Variants in LRRK1 observed in about 807,000 individuals in gnomAD.
The protein encoded by LRRK1 is leucine-rich repeat serine/threonine-protein kinase 1.
A neutral mutation model predicts 209.1 loss-of-function variants in LRRK1; 113 were observed. That is an observed-to-expected ratio of 0.54 (90% CI 0.46 to 0.63). The LOEUF (loss-of-function observed/expected upper bound fraction) is 0.63, where lower values mean the gene tolerates loss of function less well. Ranked by LOEUF, LRRK1 falls within the 30% of genes least tolerant of loss-of-function variation. The pLI, the probability that LRRK1 is intolerant of heterozygous loss-of-function variation, is 0.00. For missense variants in LRRK1, 2,284 were observed against 2,632.2 expected, an observed-to-expected ratio of 0.87 and a Z score of 2.89; for synonymous variants, 1,144 against 1,099.7, an observed-to-expected ratio of 1.04 and a Z score of -0.80.
Position 100,973,865 on chromosome 15 carries a change from C to T in LRRK1, c.159C>T (p.Arg53=). 1 of 1,290,072 alleles carries T rather than the reference C, an allele frequency of 7.8e-7. No individual in the cohort carries two copies. Among genetic ancestry groups the T allele is most frequent in the Non-Finnish European group, 9.9e-7 (1 of 1,014,418 alleles). 79.9% of individuals were successfully genotyped at this position (1,290,072 alleles called of 1,614,324 possible). The change falls in exon 3 of 34, where the codon CGC becomes CGT. Residue 53 remains arginine (R), a synonymous_variant. Transcript: ENST00000388948. The part of the protein sequence containing the change: ...TRGGDPAARS[R]RTEGIRAAYR... ...GCGGTGACCCTGCAGCGCGGTCCCG[C>T]AGGACGGAAGGCATCCGCGCCGCGT...
intron 1 of LRRK1, among the ~76,000 whole-genome samples, chr15:100,920,595 C>T (rs2141586599): frequency 6.6e-6 from 1 of 152,218 alleles, no homozygotes; most frequent in Non-Finnish European, 1.5e-5. Flanking sequence ...AAAAAACATT[C>T]AGTCTGTTGA....
At position 100,989,358 on chromosome 15, in the gene LRRK1, T is replaced by C. The variant is rs558815397; in HGVS notation, c.722T>C (p.Ile241Thr). 89 of 1,614,258 alleles carry C rather than the reference T, an allele frequency of 5.5e-5. No homozygotes were observed. Among genetic ancestry groups the C allele is most frequent in the Admixed American group, 2.3e-4 (14 of 60,036 alleles). The change falls in exon 6 of 34, where the codon ATT becomes ACT. Residue 241 changes from isoleucine (I) to threonine (T), a missense_variant. Transcript: ENST00000388948. ...PSKHLLRKYF[I>T]EASPLPSSYP... ...AAACATCTGCTGAGAAAGTACTTCATTGAAGCCAGTCCCTTGCCCAGCAGT... is the reference window on the plus strand; with the variant it reads ...AAACATCTGCTGAGAAAGTACTTCACTGAAGCCAGTCCCTTGCCCAGCAGT...
intron 6 of LRRK1, among the ~76,000 whole-genome samples, chr15:101,001,530 T>A (rs1014817461): frequency 5.9e-5 from 9 of 152,178 alleles, no homozygotes; most frequent in African/African-American, 2.2e-4. Flanking sequence ...TATTGTTACT[T>A]CTGCGTATCA....
chr15:101,054,801 G>A, intron 26 of LRRK1, 145 bp from the exon 27 acceptor site: 2 of 707,472 alleles, frequency 2.8e-6, no homozygotes, highest in South Asian at 4.0e-5. Context: ...GATAGAGGGA[G>A]ACTCTGTCTC....
Position 101,048,505 on chromosome 15 carries a change from CAAG to C in LRRK1, c.3153_3155del (p.Lys1051del), listed in dbSNP as rs774825934. The C allele has an allele frequency of 5.9e-5, 94 of 1,599,594 alleles. No individual in the cohort carries two copies. The African/African-American group carries it at 6.5e-4, about 11-fold the overall frequency. ...TCTCTGTCTTTCAGCTTTTTGAAAA[CAAG>C]AAGAATACTAAAAGCAGGAACAGGA... On this transcript the variant is annotated inframe_deletion, in exon 22 of 34. Coordinates refer to ENST00000388948, the MANE Select transcript of LRRK1 (RefSeq NM_024652.6).
Position 101,062,687 on chromosome 15 carries a change from A to G in LRRK1, c.4911A>G (p.Lys1637=). 1.2e-6 allele frequency: 2 copies of G among 1,610,174 alleles called. No homozygotes were observed. The highest frequency in any genetic ancestry group is 2.7e-5 in the African/African-American group (2 of 74,970). ...GCTTCTTGGCCGTGCCTGTTATTAA[A>G]AAGGTGAGGTCGGGGCAAAGGCAGG... is the stretch of plus-strand genomic sequence containing the variant. ...VTCFLAVPVI[K]KNSYLVLAGL... The change falls in exon 31 of 34, where the codon AAA becomes AAG. Residue 1637 remains lysine, a synonymous_variant. Transcript: ENST00000388948.
chr15:100,950,295 A>G (rs1226056024), intron 2 of LRRK1, among the ~76,000 whole-genome samples: 1 of 152,258 alleles, frequency 6.6e-6, no homozygotes, highest in Non-Finnish European at 1.5e-5. Context: ...AAAGAAGCGT[A>G]AGATTTATAC....
intron 28 of LRRK1, 98 bp downstream of exon 28, chr15:101,057,148 A>G: frequency 1.0e-6 from 1 of 1,000,904 alleles, no homozygotes; most frequent in East Asian, 2.7e-5. Flanking sequence ...AACCATCACC[A>G]TTGGCAACCC....
rs115230372 is a variant in LRRK1, at chr15:100,988,946, C to G, written c.613+133C>G. 5.8e-3 allele frequency: 4,412 copies of G among 754,622 alleles called. 157 individuals carry two copies. In the African/African-American group the frequency reaches 0.069, roughly 12 times the overall value. The allele number at this position is 754,622 out of a possible 1,614,324, so 46.7% of individuals were successfully genotyped here. On this transcript the variant is annotated intron_variant, in intron 5 of 33. Coordinates refer to ENST00000388948, the MANE Select transcript of LRRK1 (RefSeq NM_024652.6). Reference sequence around the variant, plus strand: ...TGAGGAGACTTTTGCAACTCCTGTTCTATGTTTCTTTTTCAAAATATCTGC... The same window carrying G: ...TGAGGAGACTTTTGCAACTCCTGTTGTATGTTTCTTTTTCAAAATATCTGC...
intron 4 of LRRK1, among the ~76,000 whole-genome samples, chr15:100,986,082 T>C (rs1053188427): frequency 2.0e-5 from 3 of 152,000 alleles, no homozygotes; most frequent in African/African-American, 7.2e-5. Flanking sequence ...GGCACATGCC[T>C]ATATTCCCAG....
At chr15:101,020,997 G>A (rs556347167) in intron 12 of LRRK1, 56 bp from the exon 13 acceptor site, 19 of 1,606,174 alleles carry the variant, frequency 1.2e-5, no homozygotes, top group Middle Eastern at 1.7e-4. Context: ...TGGTCACCAC[G>A]CTGTGACGGT....
chr15:101,066,942 T>A (rs1460959072), intron 33 of LRRK1, among the ~76,000 whole-genome samples: 3 of 152,238 alleles, frequency 2.0e-5, no homozygotes, highest in African/African-American at 7.2e-5. Flanking sequence ...CATGGCTGCC[T>A]GTTTCTGGAG....
At position 101,066,722 on chromosome 15, in the gene LRRK1, C is replaced by A; in HGVS notation, c.5851C>A (p.Arg1951=). 6.2e-7 allele frequency: 1 copy of A among 1,614,106 alleles called. No individual in the cohort carries two copies. The highest frequency in any genetic ancestry group is 1.1e-5 in the South Asian group (1 of 91,078). ...RGRVIAVLKA[R]ELTPHGVLVD... is the part of the protein sequence containing the mutation. The stretch of plus-strand genomic sequence containing the variant: ...CCGAGTCATTGCCGTCTTAAAAGCC[C>A]GAGAGCTGACTCCGCATGGGTAAGA... Residue 1951 remains arginine, a synonymous_variant, in exon 33 of 34, where the codon CGA becomes AGA. Coordinates refer to ENST00000388948, the MANE Select transcript of LRRK1 (RefSeq NM_024652.6).
At position 100,924,697 on chromosome 15, in the gene LRRK1, T is replaced by C; in HGVS notation, c.65T>C (p.Val22Ala). The change falls in exon 2 of 34, where the codon GTG becomes GCG. Residue 22 changes from valine (V) to alanine (A), a missense_variant. Physicochemically the swap from Val to Ala is moderately conservative, Grantham distance 64. This residue lies in a region of LRRK1 where 174 missense variants were observed against 133.5 expected (regional missense o/e 1.30). Coordinates refer to ENST00000388948, the MANE Select transcript of LRRK1 (RefSeq NM_024652.6). ...YWCVGPEESAVCPERAMETLN... is the reference protein window; with the variant it reads ...YWCVGPEESAACPERAMETLN... The stretch of plus-strand genomic sequence containing the variant: ...TGTGTGGGGCCGGAGGAGTCAGCTG[T>C]GTGTCCAGAACGTGCCATGGAGACG... 1.2e-6 allele frequency: 2 copies of C among 1,614,160 alleles called. No homozygotes were observed. The highest frequency in any genetic ancestry group is 1.7e-6 in the Non-Finnish European group (2 of 1,180,024).
intron 2 of LRRK1, among the ~76,000 whole-genome samples, chr15:100,938,430 GTTGGGAACATGCAAAAGCCACTC>G (rs909305584): frequency 1.3e-5 from 2 of 152,090 alleles, no homozygotes; most frequent in African/African-American, 4.8e-5. Context: ...ATTTCTTGGT[GTTGGGAACATGCAAAAGCCACTC>G]TTCTAGCTTT....
At chr15:101,017,606 C>T (rs1351006624) in intron 12 of LRRK1, among the ~76,000 whole-genome samples, 14 of 152,040 alleles carry the variant, frequency 9.2e-5, no homozygotes, top group African/African-American at 3.1e-4. Context: ...TTGTGAACCG[C>T]GTCTGTGAGG....
rs527853956 is a variant in LRRK1, at chr15:100,993,060, C to G, written c.762+3662C>G. 3.3e-5 allele frequency among the ~76,000 whole-genome samples: 5 copies of G among 152,288 alleles called. No individual in the cohort carries two copies. In the East Asian group the frequency reaches 9.7e-4, roughly 29 times the overall value. ...CTTATCTGGACTCCAGGCTTCAGTA[C>G]TGCAGGGCCTTCGTCTGTGTCTTGG... is the stretch of plus-strand genomic sequence containing the variant. On this transcript the variant is annotated intron_variant, in intron 6 of 33. Coordinates refer to ENST00000388948, the MANE Select transcript of LRRK1 (RefSeq NM_024652.6).
At chr15:100,961,161 G>A (rs2029913932) in intron 2 of LRRK1, among the ~76,000 whole-genome samples, 3 of 152,316 alleles carry the variant, frequency 2.0e-5, no homozygotes, top group Middle Eastern at 3.4e-3. Flanking sequence ...CTGAGGTGGT[G>A]CCGGGCATCA....
intron 33 of LRRK1, among the ~76,000 whole-genome samples, chr15:101,067,979 G>C (rs2036628876): frequency 6.6e-6 from 1 of 152,216 alleles, no homozygotes; most frequent in African/African-American, 2.4e-5. Context: ...CGGAGTGAGA[G>C]GTCCCTGGAC....
Sources: allele counts gnomAD v4.1 joint callset (sites outside exome capture counted in the v4.1 genomes callset), GRCh38; gene constraint gnomAD v4.1.1; regional missense constraint gnomAD v4.1.1; transcripts MANE v1.5; gene names NCBI Gene and HGNC (gene_info 2026-07-23, HGNC 2026-07-21).